Variants in PPP1R9A observed in about 807,000 individuals in gnomAD.
PPP1R9A encodes the protein neurabin-1.
In PPP1R9A, 59 loss-of-function variants were observed where a neutral mutation model predicts 141.9. The observed-to-expected ratio is 0.42, with a 90% CI of 0.34 to 0.52. The LOEUF is 0.52. PPP1R9A is among the 20% of genes least tolerant of loss of function. PPP1R9A has a pLI of 0.10. For synonymous variants in PPP1R9A, 500 were observed against 569.7 expected (o/e 0.88, Z 1.74); for missense variants, 1,444 against 1,611.9 (o/e 0.90, Z 1.78).
chr7:95,190,717 A>C (rs1403424627), intron 5 of PPP1R9A, among the ~76,000 whole-genome samples: 1 of 152,194 alleles, frequency 6.6e-6, no homozygotes, highest in African/African-American at 2.4e-5. Context: ...CAGAACTTGC[A>C]GTGGCTTGCC....
chr7:94,962,965 C>G (rs1383720969), intron 2 of PPP1R9A, among the ~76,000 whole-genome samples: 1 of 152,028 alleles, frequency 6.6e-6, no homozygotes, highest in Non-Finnish European at 1.5e-5. Context: ...TTCATACATG[C>G]TTTATCAGTA....
At position 95,292,251 on chromosome 7, in the gene PPP1R9A, G is replaced by T. The variant is rs778437470; in HGVS notation, c.*1948G>T. 6 of 152,490 alleles carry T rather than the reference G, an allele frequency of 3.9e-5. No homozygotes were observed. Among genetic ancestry groups the T allele is most frequent in the Non-Finnish European group, 7.4e-5 (5 of 68,010 alleles). The allele number at this position is 152,490 out of a possible 1,614,324, so 9.4% of individuals were successfully genotyped here. On this transcript the variant is annotated 3_prime_UTR_variant, in exon 20 of 20. Transcript: ENST00000433360. ...TTTTTCACATCATGAGAAATAAGAAGCCACTATTAATGAGTGATACAATTT... is the reference window on the plus strand; with the variant it reads ...TTTTTCACATCATGAGAAATAAGAATCCACTATTAATGAGTGATACAATTT...
intron 2 of PPP1R9A, among the ~76,000 whole-genome samples, chr7:95,014,042 T>C (rs1804773066): frequency 6.6e-6 from 1 of 152,082 alleles, no homozygotes; most frequent in African/African-American, 2.4e-5. Context: ...TATGTTTTTA[T>C]CCCCAAATAC....
rs370662474 is a variant in PPP1R9A at position 94,981,511 on chromosome 7, A to C, written c.1395+70003A>C. Among the ~76,000 whole-genome samples, 6 of 152,140 alleles carry C rather than the reference A, an allele frequency of 3.9e-5. No individual in the cohort carries two copies. The East Asian group carries it at 5.8e-4, about 15-fold the overall frequency. ...CTCAGCCTCCCAAAGTGTTGGGTTT[A>C]CAGGCATGAGCCACTGTGCCTGGCC... On this transcript the variant is annotated intron_variant, in intron 2 of 19. Transcript: ENST00000433360.
rs893302319 is a variant in PPP1R9A, at chr7:95,117,453, G to A, written c.1529-3259G>A. Among the ~76,000 whole-genome samples the A allele has an allele frequency of 7.2e-5, 11 of 152,202 alleles. No individual in the cohort carries two copies. The East Asian group carries it at 1.4e-3, about 19-fold the overall frequency. ...ATCATGTTGTCCTTGTAAGTAATTTGCATTAGAATTGAGGATGGCTTGAGT... is the reference window on the plus strand; with the variant it reads ...ATCATGTTGTCCTTGTAAGTAATTTACATTAGAATTGAGGATGGCTTGAGT... On this transcript the variant is annotated intron_variant, in intron 3 of 19. Transcript: ENST00000433360.
rs10252172 is a variant in PPP1R9A at position 94,967,126 on chromosome 7, A to G, written c.1395+55618A>G. ...ATAGAGGTGTTTATAGTATTCTCTGATGGTAGTTTGTATTTCTGTGGGAGA... is the reference window on the plus strand; with the variant it reads ...ATAGAGGTGTTTATAGTATTCTCTGGTGGTAGTTTGTATTTCTGTGGGAGA... On this transcript the variant is annotated intron_variant, in intron 2 of 19. Transcript: ENST00000433360. Among the ~76,000 whole-genome samples, 1,101 of 152,176 alleles carry G rather than the reference A, an allele frequency of 7.2e-3. 11 individuals are homozygous for G. Among genetic ancestry groups the G allele is most frequent in the African/African-American group, 0.025 (1,034 of 41,514 alleles).
At chr7:95,134,206 A>T (rs1261132468) in intron 4 of PPP1R9A, among the ~76,000 whole-genome samples, 1 of 152,098 alleles carries the variant, frequency 6.6e-6, no homozygotes, top group Non-Finnish European at 1.5e-5. Flanking sequence ...TTCTCAGCAA[A>T]CTAATACAGG....
At chr7:95,249,363 G>A (rs992265457) in intron 9 of PPP1R9A, among the ~76,000 whole-genome samples, 11 of 151,988 alleles carry the variant, frequency 7.2e-5, no homozygotes, top group African/African-American at 2.7e-4. Context: ...TCACCAAAAG[G>A]GTTAAAAGCA....
At chr7:94,925,194 T>G (rs186999173) in intron 2 of PPP1R9A, among the ~76,000 whole-genome samples, 28 of 152,298 alleles carry the variant, frequency 1.8e-4, no homozygotes, top group Admixed American at 7.2e-4. Context: ...AAAAGCCTTT[T>G]GCTGGAAAAT....
chr7:95,244,207 C>T (rs1180409173), intron 8 of PPP1R9A, among the ~76,000 whole-genome samples: 1 of 152,172 alleles, frequency 6.6e-6, no homozygotes, highest in African/African-American at 2.4e-5. Flanking sequence ...GTTGTTCTCA[C>T]CTCACTGCTA....
intron 5 of PPP1R9A, among the ~76,000 whole-genome samples, chr7:95,196,435 A>G (rs1836293197): frequency 6.6e-6 from 1 of 152,208 alleles, no homozygotes; most frequent in Admixed American, 6.5e-5. Flanking sequence ...TAAGTTAATT[A>G]TACATTTACC....
intron 12 of PPP1R9A, among the ~76,000 whole-genome samples, chr7:95,256,862 A>G (rs956360021): frequency 1.3e-5 from 2 of 152,156 alleles, no homozygotes; most frequent in East Asian, 3.9e-4. Context: ...AGCAAAAACT[A>G]TGTATAAGGT....
At chr7:95,009,426 A>G (rs1420081150) in intron 2 of PPP1R9A, among the ~76,000 whole-genome samples, 1 of 152,234 alleles carries the variant, frequency 6.6e-6, no homozygotes, top group Non-Finnish European at 1.5e-5. Context: ...CGTCTTCGCC[A>G]TCAAGATGTG....
chr7:95,204,745 ACC>A (rs1293899767), intron 7 of PPP1R9A, among the ~76,000 whole-genome samples: 7 of 134,668 alleles, frequency 5.2e-5, no homozygotes, highest in African/African-American at 2.0e-4. Context: ...ACCCACACAC[ACC>A]CACCACACAT....
intron 5 of PPP1R9A, among the ~76,000 whole-genome samples, chr7:95,187,067 C>G (rs768235846): frequency 6.6e-6 from 1 of 152,010 alleles, no homozygotes; most frequent in Non-Finnish European, 1.5e-5. Flanking sequence ...GTCTTTTGGA[C>G]TAGTTTCAGA....
chr7:95,225,733 G>A (rs1795051400), intron 7 of PPP1R9A, among the ~76,000 whole-genome samples: 1 of 152,166 alleles, frequency 6.6e-6, no homozygotes, highest in Non-Finnish European at 1.5e-5. Context: ...ACTGATACTA[G>A]TAGATTTTTA....
intron 2 of PPP1R9A, among the ~76,000 whole-genome samples, chr7:95,092,087 A>G (rs1312270866): frequency 6.6e-6 from 1 of 152,050 alleles, no homozygotes; most frequent in Non-Finnish European, 1.5e-5. Context: ...CCTACCTGTT[A>G]TTTCTCTCTT....
chr7:95,255,557 A>G (rs569717080), intron 12 of PPP1R9A, among the ~76,000 whole-genome samples: 1 of 152,260 alleles, frequency 6.6e-6, no homozygotes, highest in Non-Finnish European at 1.5e-5. Flanking sequence ...CTGACTTGTA[A>G]GAGAAAGTGG....
At chr7:95,268,848 C>T (rs1192710549) in intron 13 of PPP1R9A, 141 bp downstream of exon 13, 2 of 981,458 alleles carry the variant, frequency 2.0e-6, no homozygotes, top group African/African-American at 1.7e-5. Context: ...GTCTTTGTCT[C>T]CTGAATTCTT....
Sources: allele counts gnomAD v4.1 joint callset (sites outside exome capture counted in the v4.1 genomes callset), GRCh38; gene constraint gnomAD v4.1.1; transcripts MANE v1.5; gene names NCBI Gene and HGNC (gene_info 2026-07-23, HGNC 2026-07-21).